Variants in PRKD3 observed in about 807,000 individuals in gnomAD.
PRKD3 encodes protein kinase D3, also known as serine/threonine-protein kinase D3.
A neutral mutation model predicts 99.2 loss-of-function variants in PRKD3; 47 were observed. The ratio of observed to expected loss-of-function variants is 0.47; its 90% CI spans 0.38 to 0.60. The LOEUF (loss-of-function observed/expected upper bound fraction) is 0.60, where lower values mean the gene tolerates loss of function less well. Among genes scored for constraint, PRKD3 ranks in the 20% least tolerant of loss-of-function variants. PRKD3 has a pLI of 0.00. For missense variants in PRKD3, 1,019 were observed against 1,088.4 expected (o/e 0.94, Z 0.90); for synonymous variants, 392 against 355.4 (o/e 1.10, Z -1.16).
chr2:37,280,521 C>A (rs891479921), intron 7 of PRKD3, among the ~76,000 whole-genome samples: 2 of 151,996 alleles, frequency 1.3e-5, no homozygotes, highest in African/African-American at 2.4e-5. Flanking sequence ...GAAAATTCAA[C>A]GGGCAAAAAA....
rs899593296 is a variant in PRKD3 at position 37,275,773 on chromosome 2, A to G, written c.1368T>C (p.Tyr456=). ...TLFQNESGSK[Y]YKEIPLSEIL... ...TAAAGTGTAAAATCCTTACCTTATAATACTTTGATCCAGATTCATTCTGAA... is the reference window on the plus strand; with the variant it reads ...TAAAGTGTAAAATCCTTACCTTATAGTACTTTGATCCAGATTCATTCTGAA... Residue 456 remains tyrosine, a synonymous_variant, in exon 10 of 19, where the codon TAT becomes TAC. Coordinates refer to ENST00000234179, the MANE Select transcript of PRKD3 (RefSeq NM_005813.6). 6 of 1,608,062 alleles carry G rather than the reference A, an allele frequency of 3.7e-6. No individual in the cohort carries two copies. Among genetic ancestry groups the G allele is most frequent in the African/African-American group, 1.3e-5 (1 of 74,732 alleles).
In PRKD3 at chr2:37,250,884, G is replaced by A. The variant is rs1348889070; in HGVS notation, c.*2293C>T. 6.6e-6 allele frequency: 1 copy of A among 152,608 alleles called. No individual in the cohort carries two copies. The highest frequency in any genetic ancestry group is 1.5e-5 in the Non-Finnish European group (1 of 68,036). The allele number at this position is 152,608 out of a possible 1,614,324, so 9.5% of individuals were successfully genotyped here. ...ACACGACTTAAAGACAAAAAGTTAT[G>A]CAGGTTATACAGTATCTGGAATAAT... is the stretch of plus-strand genomic sequence containing the variant. On this transcript the variant is annotated 3_prime_UTR_variant, in exon 19 of 19. Coordinates refer to ENST00000234179, the MANE Select transcript of PRKD3 (RefSeq NM_005813.6).
chr2:37,258,709 C>T (rs1343374288), intron 16 of PRKD3, among the ~76,000 whole-genome samples: 2 of 152,172 alleles, frequency 1.3e-5, no homozygotes, highest in African/African-American at 2.4e-5. Context: ...CTTTTAACCA[C>T]ATAAACATAA....
At position 37,251,309 on chromosome 2, in the gene PRKD3, C is replaced by T. The variant is rs1054983264; in HGVS notation, c.*1868G>A. On this transcript the variant is annotated 3_prime_UTR_variant, in exon 19 of 19. Transcript: ENST00000234179. Reference sequence around the variant, plus strand: ...AGGTATTTATGGGTAGATAGTACAGCATAATGGTTGGGAGGGCTAAGGGTA... The same window carrying T: ...AGGTATTTATGGGTAGATAGTACAGTATAATGGTTGGGAGGGCTAAGGGTA... The T allele has an allele frequency of 5.9e-5, 9 of 152,420 alleles. No individual in the cohort carries two copies. Among genetic ancestry groups the T allele is most frequent in the African/African-American group, 1.7e-4 (7 of 41,380 alleles). The allele number at this position is 152,420 out of a possible 1,614,324, so 9.4% of individuals were successfully genotyped here.
rs765198798 is a variant in PRKD3, at chr2:37,306,474, C to T, written c.288+9763G>A. 5.3e-4 allele frequency among the ~76,000 whole-genome samples: 81 copies of T among 152,142 alleles called. 1 individual carries two copies. Among genetic ancestry groups the T allele is most frequent in the Non-Finnish European group, 1.5e-4 (10 of 68,024 alleles). ...TTTATATATATAGGTTAAAAATTCACATTAACTATATCCATACTCACAATA... is the reference window on the plus strand; with the variant it reads ...TTTATATATATAGGTTAAAAATTCATATTAACTATATCCATACTCACAATA... On this transcript the variant is annotated intron_variant, in intron 2 of 18. Transcript: ENST00000234179.
In PRKD3 at chr2:37,251,625, T is replaced by C. The variant is rs1026790540; in HGVS notation, c.*1552A>G. The C allele has an allele frequency of 6.6e-6, 1 of 152,284 alleles. No individual in the cohort carries two copies. Among genetic ancestry groups the C allele is most frequent in the Non-Finnish European group, 1.5e-5 (1 of 68,024 alleles). 9.4% of individuals were successfully genotyped at this position (152,284 alleles called of 1,614,324 possible). A position where few individuals can be genotyped will look rare whatever the true frequency, so the allele number is the denominator to read the frequency against. Reference sequence around the variant, plus strand: ...CATGTACCAGAACATTCTTTTTTTTTTTTGCTACCTCAAATTCGGTGGGCA... The same window carrying C: ...CATGTACCAGAACATTCTTTTTTTTCTTTGCTACCTCAAATTCGGTGGGCA... On this transcript the variant is annotated 3_prime_UTR_variant, in exon 19 of 19. Coordinates refer to ENST00000234179, the MANE Select transcript of PRKD3 (RefSeq NM_005813.6).
At chr2:37,319,228 ATCCAAGATGATTG>A (rs1370993857) in intron 1 of PRKD3, among the ~76,000 whole-genome samples, 1 of 152,218 alleles carries the variant, frequency 6.6e-6, no homozygotes, top group African/African-American at 2.4e-5. Context: ...CAAAAATAGT[ATCCAAGATGATTG>A]TCCATGCTAC....
At chr2:37,268,018 A>G (rs1184871185) in intron 13 of PRKD3, 1 of 189,986 alleles carries the variant, frequency 5.3e-6, no homozygotes, top group African/African-American at 2.4e-5. Context: ...AGATATTAAA[A>G]AAAGGTAGAA....
chr2:37,289,018 C>T (rs1425080657), intron 5 of PRKD3, among the ~76,000 whole-genome samples: 1 of 151,210 alleles, frequency 6.6e-6, no homozygotes, highest in Non-Finnish European at 1.5e-5. Flanking sequence ...CGTGCCACTG[C>T]ACTCCAGCCT....
intron 16 of PRKD3, 144 bp downstream of exon 16, chr2:37,259,439 C>A: frequency 3.8e-6 from 2 of 526,124 alleles, no homozygotes; most frequent in Non-Finnish European, 6.9e-6. Flanking sequence ...GTTATTAATC[C>A]TCACTGGTAG....
At chr2:37,305,141 T>A (rs1671101752) in intron 2 of PRKD3, among the ~76,000 whole-genome samples, 1 of 152,176 alleles carries the variant, frequency 6.6e-6, no homozygotes, top group Admixed American at 6.5e-5. Flanking sequence ...CTGGGTTTTT[T>A]TTGACAACAA....
At chr2:37,298,292 A>G (rs1325188135) in intron 2 of PRKD3, among the ~76,000 whole-genome samples, 1 of 152,138 alleles carries the variant, frequency 6.6e-6, no homozygotes, top group Non-Finnish European at 1.5e-5. Context: ...TTACATACCA[A>G]ATACACATGA....
At chr2:37,287,431 G>GT (rs111539303) in intron 5 of PRKD3, among the ~76,000 whole-genome samples, 1 of 148,004 alleles carries the variant, frequency 6.8e-6, no homozygotes, top group African/African-American at 2.5e-5. Flanking sequence ...TCTGTCTCTT[G>GT]TTTTTTTCTG....
chr2:37,285,571 TGTAATAAATGTTTAATGAAAA>T (rs529295733), intron 6 of PRKD3, among the ~76,000 whole-genome samples: 162 of 152,314 alleles, frequency 1.1e-3, no homozygotes, highest in African/African-American at 3.8e-3. Context: ...TATATGTGTG[TGTAATAAATGTTTAATGAAAA>T]GAGGAAAGCG....
Position 37,251,087 on chromosome 2 carries a change from AGATT to A in PRKD3, c.*2086_*2089del, listed in dbSNP as rs1317033518. 1 of 152,650 alleles carries A rather than the reference AGATT, an allele frequency of 6.6e-6. No individual in the cohort carries two copies. Among genetic ancestry groups the A allele is most frequent in the Non-Finnish European group, 1.5e-5 (1 of 68,026 alleles). The allele number at this position is 152,650 out of a possible 1,614,324, so 9.5% of individuals were successfully genotyped here. ...TCACCTTACATAGTAAAACCACAGT[AGATT>A]GATTGCCTAGTGACTCAGAATTATT... On this transcript the variant is annotated 3_prime_UTR_variant, in exon 19 of 19. Transcript: ENST00000234179.
At chr2:37,284,174 T>C (rs1026971023) in intron 6 of PRKD3, among the ~76,000 whole-genome samples, 1 of 152,172 alleles carries the variant, frequency 6.6e-6, no homozygotes, top group Non-Finnish European at 1.5e-5. Context: ...AACAAAATCA[T>C]TTTTCTTTCG....
At chr2:37,255,744 G>A (rs1259678982) in intron 17 of PRKD3, among the ~76,000 whole-genome samples, 1 of 152,234 alleles carries the variant, frequency 6.6e-6, no homozygotes, top group Non-Finnish European at 1.5e-5. Flanking sequence ...AGTGGCTCAT[G>A]CCTGTAATCC....
At chr2:37,315,660 G>A (rs76742616) in intron 2 of PRKD3, among the ~76,000 whole-genome samples, 3,461 of 152,296 alleles carry the variant, frequency 0.023, 59 homozygotes, top group Middle Eastern at 0.051. Context: ...ACTCTATACA[G>A]ATTTTCCTGC....
In PRKD3 at chr2:37,251,600, C is replaced by G. The variant is rs1475736135; in HGVS notation, c.*1577G>C. ...TGTCGAAAGGCCTTCTCAGTCTGTT[C>G]ATGTACCAGAACATTCTTTTTTTTT... On this transcript the variant is annotated 3_prime_UTR_variant, in exon 19 of 19. Transcript: ENST00000234179. The G allele has an allele frequency of 6.6e-6, 1 of 152,186 alleles. No homozygotes were observed. The highest frequency in any genetic ancestry group is 1.5e-5 in the Non-Finnish European group (1 of 68,012). The allele number at this position is 152,186 out of a possible 1,614,324, so 9.4% of individuals were successfully genotyped here.
Sources: gnomAD v4.1 joint callset for allele counts (sites outside exome capture counted in the v4.1 genomes callset) on GRCh38, gnomAD v4.1.1 for gene constraint, MANE v1.5 for transcripts, NCBI Gene and HGNC (gene_info 2026-07-23, HGNC 2026-07-21) for gene names.